The following ARID5B variants were observed in gnomAD, a reference collection of about 807,000 sequenced individuals.
The protein encoded by ARID5B is AT-rich interactive domain-containing protein 5B.
In ARID5B, 13 loss-of-function variants were observed where a neutral mutation model predicts 97.2. The observed-to-expected ratio is 0.13, with a 90% CI of 0.09 to 0.21. The LOEUF (loss-of-function observed/expected upper bound fraction) is 0.21. ARID5B is among the 10% of genes least tolerant of loss of function. The pLI is 1.00. For missense variants in ARID5B, 1,210 were observed against 1,465.3 expected, an observed-to-expected ratio of 0.83 and a Z score of 2.84; for synonymous variants, 556 against 570.3, an observed-to-expected ratio of 0.97 and a Z score of 0.36.
At chr10:62,044,592 C>A (rs1839682883) in intron 4 of ARID5B, among the ~76,000 whole-genome samples, 1 of 152,042 alleles carries the variant, frequency 6.6e-6, no homozygotes, top group African/African-American at 2.4e-5. Context: ...AAGCTGGTCT[C>A]AAGTTCCCGG....
At chr10:61,998,168 A>C (rs1839027373) in intron 3 of ARID5B, among the ~76,000 whole-genome samples, 1 of 152,242 alleles carries the variant, frequency 6.6e-6, no homozygotes, top group South Asian at 2.1e-4. Context: ...GAACATAATT[A>C]GAAATACATC....
At chr10:61,982,714 C>T (rs1838793573) in intron 3 of ARID5B, among the ~76,000 whole-genome samples, 1 of 152,168 alleles carries the variant, frequency 6.6e-6, no homozygotes, top group Non-Finnish European at 1.5e-5. Context: ...GCTCCAAAGC[C>T]TTAGAAGCTG....
intron 2 of ARID5B, among the ~76,000 whole-genome samples, chr10:61,908,386 A>G (rs1345917653): frequency 1.3e-5 from 2 of 152,230 alleles, no homozygotes; most frequent in African/African-American, 4.8e-5. Context: ...TTGTGCTGAT[A>G]ATACATGTCA....
In ARID5B at chr10:62,060,375, C is replaced by T. The variant is rs373668126; in HGVS notation, c.1101+1080C>T. 1.6e-4 allele frequency among the ~76,000 whole-genome samples: 24 copies of T among 152,224 alleles called. No individual in the cohort carries two copies. The East Asian group carries it at 2.7e-3, about 17-fold the overall frequency. On this transcript the variant is annotated intron_variant, in intron 7 of 9. Coordinates refer to ENST00000279873, the MANE Select transcript of ARID5B (RefSeq NM_032199.3). ...CTGCTATGAATTCCGACTAAAAATT[C>T]TTTCATATGAATAATATGTGCTTGT...
chr10:62,079,913 C>T (rs935798915), intron 8 of ARID5B, among the ~76,000 whole-genome samples: 1 of 152,132 alleles, frequency 6.6e-6, no homozygotes, highest in African/African-American at 2.4e-5. Context: ...TATATTTCAT[C>T]GTTGTTAATA....
chr10:61,922,408 G>A (rs918994473), intron 2 of ARID5B, among the ~76,000 whole-genome samples: 1 of 152,242 alleles, frequency 6.6e-6, no homozygotes, highest in African/African-American at 2.4e-5. Flanking sequence ...TTCAAGACTA[G>A]CCTGGCCAAC....
At chr10:62,026,120 A>T (rs1055632213) in intron 4 of ARID5B, among the ~76,000 whole-genome samples, 2 of 152,218 alleles carry the variant, frequency 1.3e-5, no homozygotes, top group African/African-American at 4.8e-5. Flanking sequence ...CTTTTCCATG[A>T]GTGGAGTTAG....
intron 3 of ARID5B, among the ~76,000 whole-genome samples, chr10:61,945,343 A>C (rs1197588133): frequency 6.6e-6 from 1 of 152,228 alleles, no homozygotes; most frequent in Non-Finnish European, 1.5e-5. Context: ...TCAGCCACAA[A>C]AAAAGATAAA....
At chr10:62,011,564 GA>G (rs1174406351) in intron 4 of ARID5B, among the ~76,000 whole-genome samples, 3 of 152,130 alleles carry the variant, frequency 2.0e-5, no homozygotes, top group African/African-American at 7.2e-5. Context: ...CAGAGACATG[GA>G]GAGTTTGGCC....
At chr10:61,916,684 T>C (rs1027797073) in intron 2 of ARID5B, among the ~76,000 whole-genome samples, 9 of 152,166 alleles carry the variant, frequency 5.9e-5, no homozygotes, top group African/African-American at 2.2e-4. Context: ...AAAATGCAGG[T>C]GACAGAAACA....
At chr10:62,032,680 A>G (rs1839512627) in intron 4 of ARID5B, among the ~76,000 whole-genome samples, 1 of 152,194 alleles carries the variant, frequency 6.6e-6, no homozygotes, top group Non-Finnish European at 1.5e-5. Flanking sequence ...GTGCCACTGC[A>G]CTCCAGCCTG....
intron 2 of ARID5B, among the ~76,000 whole-genome samples, chr10:61,906,778 T>G (rs1012497629): frequency 6.6e-6 from 1 of 152,242 alleles, no homozygotes; most frequent in Non-Finnish European, 1.5e-5. Flanking sequence ...TCCAGGAGTC[T>G]GAATTTTAAA....
At chr10:62,055,896 G>GC (rs892864244) in intron 5 of ARID5B, among the ~76,000 whole-genome samples, 3 of 384 alleles carry the variant, frequency 7.8e-3, no homozygotes, top group Admixed American at 0.077. Flanking sequence ...GAAAGAAAAA[G>GC]GTTCGAAATC....
intron 3 of ARID5B, among the ~76,000 whole-genome samples, chr10:61,943,701 T>C (rs1283106464): frequency 6.6e-6 from 1 of 152,104 alleles, no homozygotes; most frequent in African/African-American, 2.4e-5. Flanking sequence ...AAGTTCGCTT[T>C]AATTCCAGTT....
intron 2 of ARID5B, among the ~76,000 whole-genome samples, chr10:61,933,170 G>A (rs566534437): frequency 4.6e-4 from 70 of 152,332 alleles, no homozygotes; most frequent in African/African-American, 1.6e-3. Flanking sequence ...TCATTCATAA[G>A]AAGTAGCTCC....
intron 4 of ARID5B, among the ~76,000 whole-genome samples, chr10:62,035,853 T>C (rs1839556693): frequency 6.6e-6 from 1 of 152,026 alleles, no homozygotes; most frequent in Non-Finnish European, 1.5e-5. Flanking sequence ...AGACAGAGTC[T>C]CGATCTTGTC....
At chr10:62,078,169 T>G (rs1366278610) in intron 8 of ARID5B, among the ~76,000 whole-genome samples, 1 of 152,204 alleles carries the variant, frequency 6.6e-6, no homozygotes, top group African/African-American at 2.4e-5. Flanking sequence ...GCTTCCATCA[T>G]TTGTGGGGTA....
chr10:62,057,202 T>C lies in ARID5B; in HGVS notation c.932T>C (p.Val311Ala), dbSNP rs1589277712. 6.2e-7 allele frequency: 1 copy of C among 1,613,834 alleles called. No individual in the cohort carries two copies. Among genetic ancestry groups the C allele is most frequent in the East Asian group, 2.2e-5 (1 of 44,866 alleles). The stretch of plus-strand genomic sequence containing the variant: ...GTCTCAAATGAAGAAAAACCAAAGG[T>C]TGCCATTGGTGAAGAGTGCAGGGCA... ...KKVSNEEKPKVAIGEECRADE... is the reference protein window; with the variant it reads ...KKVSNEEKPKAAIGEECRADE... The change falls in exon 6 of 10, where the codon GTT becomes GCT. Residue 311 changes from valine to alanine, a missense_variant. Transcript: ENST00000279873.
At chr10:61,969,063 A>G (rs1231227990) in intron 3 of ARID5B, among the ~76,000 whole-genome samples, 4 of 152,200 alleles carry the variant, frequency 2.6e-5, no homozygotes, top group African/African-American at 9.7e-5. Flanking sequence ...TAATCTTGCC[A>G]CAACTGTCTT....
Sources: gnomAD v4.1 joint callset for allele counts (sites outside exome capture counted in the v4.1 genomes callset) on GRCh38, gnomAD v4.1.1 for gene constraint, MANE v1.5 for transcripts, NCBI Gene and HGNC (gene_info 2026-07-23, HGNC 2026-07-21) for gene names.